Variants in IFT88 observed in about 807,000 individuals in gnomAD.
IFT88 encodes the protein intraflagellar transport 88, also known as intraflagellar transport protein 88 homolog.
IFT88 carries 74 observed loss-of-function variants against 119.5 expected under a neutral mutation model. The ratio of observed to expected loss-of-function variants is 0.62; its 90% CI spans 0.51 to 0.75. IFT88 has a LOEUF of 0.75. IFT88 is among the 30% of genes least tolerant of loss of function. The probability of loss-of-function intolerance (pLI) is 0.00; values close to 1 mark genes in which losing one functional copy is unlikely to be tolerated. For synonymous variants in IFT88, 279 were observed against 316.7 expected (o/e 0.88, Z 1.26); for missense variants, 961 against 977.7 (o/e 0.98, Z 0.23).
intron 20 of IFT88, among the ~76,000 whole-genome samples, chr13:20,645,692 A>T (rs2050640560): frequency 6.6e-6 from 1 of 152,228 alleles, no homozygotes; most frequent in Non-Finnish European, 1.5e-5. Flanking sequence ...TCGTATCAGA[A>T]TGTGTTATAC....
chr13:20,679,908 T>C (rs2057125715), intron 24 of IFT88, among the ~76,000 whole-genome samples: 1 of 152,212 alleles, frequency 6.6e-6, no homozygotes, highest in African/African-American at 2.4e-5. Context: ...GTACTTCTTA[T>C]AGTGTCCACC....
intron 3 of IFT88, among the ~76,000 whole-genome samples, chr13:20,584,766 T>G (rs2039343350): frequency 6.6e-6 from 1 of 152,222 alleles, no homozygotes; most frequent in South Asian, 2.1e-4. Context: ...CTAATATTCC[T>G]TTTTGGAATG....
intron 15 of IFT88, among the ~76,000 whole-genome samples, chr13:20,630,555 T>A (rs1371172447): frequency 6.6e-6 from 1 of 152,094 alleles, no homozygotes; most frequent in Non-Finnish European, 1.5e-5. Flanking sequence ...CAAGGATCAT[T>A]ATTATTATCA....
At chr13:20,589,151 TA>T (rs1007197207) in intron 3 of IFT88, among the ~76,000 whole-genome samples, 3 of 151,552 alleles carry the variant, frequency 2.0e-5, no homozygotes, top group South Asian at 2.1e-4. Flanking sequence ...TATTCACACT[TA>T]AAAAAAAATA....
intron 17 of IFT88, among the ~76,000 whole-genome samples, chr13:20,638,752 G>T (rs1213485896): frequency 6.6e-6 from 1 of 152,102 alleles, no homozygotes; most frequent in Non-Finnish European, 1.5e-5. Flanking sequence ...CCTCCAAAAA[G>T]GCTTTTCCAT....
At chr13:20,613,595 CAG>C (rs1226370242) in intron 13 of IFT88, among the ~76,000 whole-genome samples, 1 of 152,050 alleles carries the variant, frequency 6.6e-6, no homozygotes, top group Non-Finnish European at 1.5e-5. Flanking sequence ...CAAAAGTAAT[CAG>C]AGTATATGTC....
At chr13:20,605,172 A>G in intron 13 of IFT88, 67 bp downstream of exon 13, 1 of 613,656 alleles carries the variant, frequency 1.6e-6, no homozygotes, top group Admixed American at 3.3e-5. Flanking sequence ...GTTTAGTATT[A>G]AGATACTTAA....
intron 17 of IFT88, among the ~76,000 whole-genome samples, chr13:20,640,390 A>G (rs12855748): frequency 1.3e-5 from 2 of 151,314 alleles, no homozygotes; most frequent in Non-Finnish European, 2.9e-5. Flanking sequence ...TGGCTAACAC[A>G]GTGAAACCCC....
chr13:20,684,792 A>G (rs1169833972), intron 24 of IFT88, among the ~76,000 whole-genome samples: 1 of 152,084 alleles, frequency 6.6e-6, no homozygotes, highest in Non-Finnish European at 1.5e-5. Flanking sequence ...CTTCTTACTC[A>G]CCACAGGGAT....
intron 9 of IFT88, among the ~76,000 whole-genome samples, chr13:20,597,754 A>AAAAAATAT (rs1446969137): frequency 2.8e-4 from 40 of 142,654 alleles, no homozygotes; most frequent in Admixed American, 1.4e-3. Flanking sequence ...TCAAAAAAAA[A>AAAAAATAT]ATATATATAT....
At chr13:20,618,754 G>T (rs1030798283) in intron 14 of IFT88, among the ~76,000 whole-genome samples, 1 of 152,064 alleles carries the variant, frequency 6.6e-6, no homozygotes. Flanking sequence ...AAACAGAAGA[G>T]AAAACTTAGT....
At chr13:20,668,359 G>A (rs2055118911) in intron 23 of IFT88, among the ~76,000 whole-genome samples, 1 of 127,846 alleles carries the variant, frequency 7.8e-6, no homozygotes, top group South Asian at 2.6e-4. Context: ...TGACAGTTGA[G>A]ATTTCTTTTT....
chr13:20,671,770 A>G (rs1014482574), intron 24 of IFT88, among the ~76,000 whole-genome samples: 2 of 152,212 alleles, frequency 1.3e-5, no homozygotes, highest in East Asian at 1.9e-4. Flanking sequence ...ATTGGGGTCT[A>G]TAAATATACC....
intron 24 of IFT88, 119 bp from the exon 25 acceptor site, chr13:20,690,586 G>T: frequency 4.8e-6 from 3 of 630,344 alleles, no homozygotes; most frequent in Non-Finnish European, 5.7e-6. Flanking sequence ...TAAGAAGCTG[G>T]CTTCCAAATT....
intron 24 of IFT88, among the ~76,000 whole-genome samples, chr13:20,680,054 A>G (rs568652319): frequency 1.3e-5 from 2 of 152,298 alleles, no homozygotes; most frequent in African/African-American, 4.8e-5. Context: ...CTGCCTTGCG[A>G]CACAATCTTC....
At chr13:20,673,113 C>A (rs1181195324) in intron 24 of IFT88, among the ~76,000 whole-genome samples, 1 of 152,152 alleles carries the variant, frequency 6.6e-6, no homozygotes, top group Non-Finnish European at 1.5e-5. Flanking sequence ...TATTAAAATT[C>A]TAGGGCCGGA....
chr13:20,592,186 C>A, intron 6 of IFT88, 149 bp from the exon 7 acceptor site: 2 of 648,156 alleles, frequency 3.1e-6, no homozygotes, highest in South Asian at 1.9e-5. Context: ...TTTATGTAGA[C>A]ACAATGTTAT....
chr13:20,567,908 G>A (rs2035243572), intron 1 of IFT88: 2 of 621,458 alleles, frequency 3.2e-6, no homozygotes, highest in African/African-American at 1.9e-5. Flanking sequence ...CTTCTTGGAA[G>A]TAGACCAAGG....
chr13:20,582,294 T>G (rs1189844981), intron 2 of IFT88, among the ~76,000 whole-genome samples: 4 of 152,192 alleles, frequency 2.6e-5, no homozygotes, highest in Non-Finnish European at 4.4e-5. Context: ...TCCTCAAATT[T>G]CCTGAAGGGG....
Sources: allele counts gnomAD v4.1 joint callset (sites outside exome capture counted in the v4.1 genomes callset), GRCh38; gene constraint gnomAD v4.1.1; transcripts MANE v1.5; gene names NCBI Gene and HGNC (gene_info 2026-07-23, HGNC 2026-07-21).